The following RBFOX1 variants were observed in gnomAD, a reference collection of about 807,000 sequenced individuals.
RBFOX1 encodes the protein RNA binding fox-1 homolog 1, also known as RNA binding protein fox-1 homolog 1.
RBFOX1 carries 8 observed loss-of-function variants against 57.7 expected under a neutral mutation model. The observed-to-expected ratio is 0.14, with a 90% CI of 0.08 to 0.25. RBFOX1 has a LOEUF of 0.25. RBFOX1 is among the 10% of genes least tolerant of loss of function. RBFOX1 has a pLI of 1.00. For synonymous variants in RBFOX1, 326 were observed against 222.4 expected (o/e 1.47, Z -4.15); for missense variants, 611 against 548.5 (o/e 1.11, Z -1.14).
chr16:6,910,649 A>G (rs1337654087), intron 3 of RBFOX1, among the ~76,000 whole-genome samples: 2 of 152,174 alleles, frequency 1.3e-5, no homozygotes, highest in Non-Finnish European at 2.9e-5. Flanking sequence ...CAGTTTCTAG[A>G]GGCCACCTGG....
intron 4 of RBFOX1, among the ~76,000 whole-genome samples, chr16:7,435,386 T>G (rs767643033): frequency 6.6e-6 from 1 of 152,038 alleles, no homozygotes; most frequent in Non-Finnish European, 1.5e-5. Flanking sequence ...CAGTGGTACA[T>G]ATTATGAAAA....
At chr16:6,839,941 A>G (rs754013701) in intron 3 of RBFOX1, among the ~76,000 whole-genome samples, 5 of 152,208 alleles carry the variant, frequency 3.3e-5, no homozygotes, top group Non-Finnish European at 7.3e-5. Context: ...GCTTTAACGT[A>G]TGATGAGCCT....
chr16:6,227,520 G>A (rs564482052), intron 1 of RBFOX1, among the ~76,000 whole-genome samples: 4 of 152,242 alleles, frequency 2.6e-5, no homozygotes, highest in African/African-American at 9.6e-5. Context: ...TGATACAGAA[G>A]TGGAAGTCTG....
intron 3 of RBFOX1, among the ~76,000 whole-genome samples, chr16:6,724,781 G>C (rs1018132149): frequency 2.6e-5 from 4 of 151,910 alleles, no homozygotes; most frequent in Non-Finnish European, 5.9e-5. Context: ...GAATGTGCAG[G>C]TTTGTTACAT....
chr16:5,753,913 A>G (rs1012521756), intron 3 of RBFOX1, among the ~76,000 whole-genome samples: 5 of 152,108 alleles, frequency 3.3e-5, no homozygotes, highest in South Asian at 2.1e-4. Flanking sequence ...CAGGGACAAT[A>G]CAGGATTCTG....
intron 3 of RBFOX1, among the ~76,000 whole-genome samples, chr16:6,683,733 G>A (rs973152850): frequency 1.2e-4 from 18 of 152,140 alleles, no homozygotes; most frequent in African/African-American, 4.1e-4. Flanking sequence ...ATGGTGAGAC[G>A]CAGTTCAGGT....
chr16:7,184,329 A>G (rs1346925562), intron 4 of RBFOX1, among the ~76,000 whole-genome samples: 1 of 152,152 alleles, frequency 6.6e-6, no homozygotes, highest in Non-Finnish European at 1.5e-5. Flanking sequence ...ATGACAGTGT[A>G]CTCTGTTCCT....
intron 2 of RBFOX1, among the ~76,000 whole-genome samples, chr16:6,619,708 T>TTA (rs1555619707): frequency 7.7e-6 from 1 of 130,318 alleles, no homozygotes; most frequent in African/African-American, 2.9e-5. Flanking sequence ...TTTTTTTTTT[T>TTA]AATAACTTTC....
chr16:7,082,147 C>A (rs1384385979), intron 4 of RBFOX1, among the ~76,000 whole-genome samples: 2 of 152,148 alleles, frequency 1.3e-5, no homozygotes, highest in African/African-American at 4.8e-5. Flanking sequence ...TGTTATCTAT[C>A]TTGGTAAACT....
chr16:7,018,235 G>A (rs2094013817), intron 3 of RBFOX1, among the ~76,000 whole-genome samples: 1 of 152,092 alleles, frequency 6.6e-6, no homozygotes, highest in South Asian at 2.1e-4. Flanking sequence ...TTCTCTACTG[G>A]CTTGCATTCT....
intron 2 of RBFOX1, among the ~76,000 whole-genome samples, chr16:6,584,714 C>T (rs11865356): frequency 0.02 from 2,981 of 152,144 alleles, 122 homozygotes; most frequent in African/African-American, 0.068. Flanking sequence ...CCTCTAGCTA[C>T]TCCCAGTCCT....
At chr16:6,063,071 C>A (rs891415663) in intron 1 of RBFOX1, among the ~76,000 whole-genome samples, 1 of 152,204 alleles carries the variant, frequency 6.6e-6, no homozygotes, top group Non-Finnish European at 1.5e-5. Context: ...TCATTCACAT[C>A]TGTAAAATAC....
intron 3 of RBFOX1, among the ~76,000 whole-genome samples, chr16:6,813,213 C>G (rs1413284778): frequency 3.9e-5 from 6 of 152,084 alleles, no homozygotes; most frequent in African/African-American, 7.2e-5. Context: ...GGATGATTGG[C>G]TAATTACTGA....
intron 3 of RBFOX1, among the ~76,000 whole-genome samples, chr16:6,905,462 A>G (rs2153421047): frequency 6.6e-6 from 1 of 151,952 alleles, no homozygotes; most frequent in African/African-American, 2.4e-5. Context: ...CTGAGGCAGG[A>G]GAATGGCTTG....
intron 1 of RBFOX1, among the ~76,000 whole-genome samples, chr16:5,242,375 C>T (rs539124797): frequency 6.6e-6 from 1 of 152,310 alleles, no homozygotes; most frequent in South Asian, 2.1e-4. Flanking sequence ...TGTATCTGCT[C>T]AGTCCGGCGG....
intron 3 of RBFOX1, among the ~76,000 whole-genome samples, chr16:6,851,986 TG>T (rs1341085776): frequency 2.0e-5 from 3 of 151,046 alleles, no homozygotes; most frequent in Non-Finnish European, 2.9e-5. Context: ...AGTCCAGTGG[TG>T]TGATCTCGGC....
chr16:7,630,712 TTTGTG>T, intron 11 of RBFOX1, 29 bp downstream of exon 11: 2 of 1,613,580 alleles, frequency 1.2e-6, no homozygotes, highest in Non-Finnish European at 1.7e-6. Context: ...CTCTTTTTGT[TTTGTG>T]ACATAAATCT....
At chr16:6,173,908 A>T (rs549161427) in intron 1 of RBFOX1, among the ~76,000 whole-genome samples, 1 of 151,414 alleles carries the variant, frequency 6.6e-6, no homozygotes, top group African/African-American at 2.4e-5. Context: ...TGTTTTTTTT[A>T]CTAATTATGA....
intron 1 of RBFOX1, among the ~76,000 whole-genome samples, chr16:5,248,991 A>G (rs2062376605): frequency 6.9e-6 from 1 of 145,946 alleles, no homozygotes; most frequent in Non-Finnish European, 1.5e-5. Context: ...CCATCTCAAA[A>G]AAAAAAAAAA....
Sources: gnomAD v4.1 joint callset for allele counts (sites outside exome capture counted in the v4.1 genomes callset) on GRCh38, gnomAD v4.1.1 for gene constraint, MANE v1.5 for transcripts, NCBI Gene and HGNC (gene_info 2026-07-23, HGNC 2026-07-21) for gene names.